RAPGEF5: variants seen among roughly 807,000 people sequenced by gnomAD.
RAPGEF5 encodes the protein M-Ras-regulated GEF.
RAPGEF5 carries 65 observed loss-of-function variants against 125.2 expected under a neutral mutation model. The ratio of observed to expected loss-of-function variants is 0.52; its 90% CI spans 0.43 to 0.64. The LOEUF is 0.64. Among genes scored for constraint, RAPGEF5 ranks in the 30% least tolerant of loss-of-function variants. The probability of loss-of-function intolerance (pLI) is 0.00; values close to 1 mark genes in which losing one functional copy is unlikely to be tolerated. For synonymous variants in RAPGEF5, 391 were observed against 385.9 expected (o/e 1.01, Z -0.16); for missense variants, 958 against 1,048.1 (o/e 0.91, Z 1.19).
Position 22,183,268 on chromosome 7 carries a change from C to CAAA in RAPGEF5, c.1204+10096_1204+10098dup, listed in dbSNP as rs757079018. Reference sequence around the variant, plus strand: ...TGGGTAACAGAGTGAGACTCCATCACAAAAAAAAAAAAAAAAAAAAAAAAA... The same window carrying CAAA: ...TGGGTAACAGAGTGAGACTCCATCACAAAAAAAAAAAAAAAAAAAAAAAAAAAA... On this transcript the variant is annotated intron_variant, in intron 11 of 25. Transcript: ENST00000665637. Among the ~76,000 whole-genome samples the CAAA allele has an allele frequency of 2.7e-3, 84 of 30,924 alleles. 3 individuals carry two copies. Among genetic ancestry groups the CAAA allele is most frequent in the Non-Finnish European group, 4.2e-3 (53 of 12,734 alleles). The allele number at this position is 30,924 out of a possible 152,430, so 20.3% of individuals were successfully genotyped here.
rs750453902 is a variant in RAPGEF5 at position 22,122,495 on chromosome 7, C to G, written c.2563G>C (p.Glu855Gln). ...FGDLSPKEHQ[E>Q]LKSYVNHLYV... is the part of the protein sequence containing the mutation. ...AGGTGATTAACATAGGACTTTAACT[C>G]TTGATGCTCTTTTGGAGACAGGTCA... Residue 855 changes from glutamate to glutamine, a missense_variant, in exon 26 of 26, where the codon GAG becomes CAG. Physicochemically the swap from Glu to Gln is conservative, Grantham distance 29. Coordinates refer to ENST00000665637, the MANE Select transcript of RAPGEF5 (RefSeq NM_012294.5). The G allele has an allele frequency of 1.2e-6, 2 of 1,613,710 alleles. No homozygotes were observed. The highest frequency in any genetic ancestry group is 4.5e-5 in the East Asian group (2 of 44,864).
In RAPGEF5 at chr7:22,338,018, T is replaced by C. The variant is rs561544109; in HGVS notation, c.231+18812A>G. 5.3e-5 allele frequency among the ~76,000 whole-genome samples: 8 copies of C among 152,350 alleles called. 1 individual carries two copies. The South Asian group carries it at 1.5e-3, about 28-fold the overall frequency. On this transcript the variant is annotated intron_variant, in intron 1 of 25. Coordinates refer to ENST00000665637, the MANE Select transcript of RAPGEF5 (RefSeq NM_012294.5). ...TCATACTGCAGCAGCAAGTTTAATCTTTTGAGATCAAAGAACTGTCAGTAG... is the reference window on the plus strand; with the variant it reads ...TCATACTGCAGCAGCAAGTTTAATCCTTTGAGATCAAAGAACTGTCAGTAG...
chr7:22,254,657 G>A (rs1330520569), intron 7 of RAPGEF5, among the ~76,000 whole-genome samples: 1 of 150,806 alleles, frequency 6.6e-6, no homozygotes, highest in Non-Finnish European at 1.5e-5. Context: ...GTCTCATAGA[G>A]CAGTCCTCAA....
intron 5 of RAPGEF5, among the ~76,000 whole-genome samples, chr7:22,293,481 G>T (rs745412059): frequency 1.3e-5 from 2 of 151,748 alleles, no homozygotes; most frequent in Non-Finnish European, 2.9e-5. Flanking sequence ...TCTCATCTTC[G>T]CTTGAACAAA....
chr7:22,323,218 C>T (rs768527629), intron 1 of RAPGEF5, among the ~76,000 whole-genome samples: 1 of 152,196 alleles, frequency 6.6e-6, no homozygotes, highest in Non-Finnish European at 1.5e-5. Context: ...GCATCCATGG[C>T]ATTATACTTA....
chr7:22,307,509 G>T (rs895656784), intron 5 of RAPGEF5, among the ~76,000 whole-genome samples: 15 of 152,054 alleles, frequency 9.9e-5, no homozygotes, highest in African/African-American at 3.6e-4. Flanking sequence ...GGAGACAATT[G>T]GTGGAGACTT....
At chr7:22,268,724 A>G (rs1026914336) in intron 6 of RAPGEF5, among the ~76,000 whole-genome samples, 1 of 152,162 alleles carries the variant, frequency 6.6e-6, no homozygotes, top group East Asian at 1.9e-4. Context: ...TTTGCTCACA[A>G]CGGATCGAAA....
At chr7:22,290,084 C>T (rs2128147181) in intron 6 of RAPGEF5, among the ~76,000 whole-genome samples, 1 of 152,310 alleles carries the variant, frequency 6.6e-6, no homozygotes, top group Admixed American at 6.5e-5. Flanking sequence ...TACAAAATTA[C>T]TTTTCTAAGC....
intron 7 of RAPGEF5, among the ~76,000 whole-genome samples, chr7:22,263,501 G>A (rs768427995): frequency 7.2e-5 from 11 of 152,040 alleles, no homozygotes; most frequent in African/African-American, 1.2e-4. Context: ...AGACAGAGAC[G>A]GGTGGATCAC....
At chr7:22,299,604 A>C (rs971967138) in intron 5 of RAPGEF5, among the ~76,000 whole-genome samples, 1 of 152,068 alleles carries the variant, frequency 6.6e-6, no homozygotes, top group Non-Finnish European at 1.5e-5. Flanking sequence ...TGAATTTCCA[A>C]CTTTCCCTCT....
intron 7 of RAPGEF5, among the ~76,000 whole-genome samples, chr7:22,232,531 G>T (rs559747527): frequency 1.2e-4 from 18 of 152,174 alleles, no homozygotes; most frequent in South Asian, 4.2e-4. Flanking sequence ...TGTTGGCCAG[G>T]CTGGTCTCAA....
chr7:22,322,351 T>G (rs1200368452), intron 1 of RAPGEF5, among the ~76,000 whole-genome samples: 2 of 151,920 alleles, frequency 1.3e-5, no homozygotes, highest in Non-Finnish European at 2.9e-5. Flanking sequence ...TTCGCCCTAT[T>G]GCCCAAGCTG....
At chr7:22,348,715 G>C (rs1428817541) in intron 1 of RAPGEF5, among the ~76,000 whole-genome samples, 1 of 152,194 alleles carries the variant, frequency 6.6e-6, no homozygotes, top group Admixed American at 6.5e-5. Context: ...GTACATTGGT[G>C]GTTACCAGAG....
At chr7:22,214,348 G>A (rs1341031315) in intron 9 of RAPGEF5, among the ~76,000 whole-genome samples, 2 of 152,162 alleles carry the variant, frequency 1.3e-5, no homozygotes, top group African/African-American at 2.4e-5. Context: ...ATACAGACAG[G>A]ATCCCTAGGG....
intron 7 of RAPGEF5, among the ~76,000 whole-genome samples, chr7:22,252,587 T>G (rs1302590198): frequency 1.3e-5 from 2 of 152,220 alleles, no homozygotes; most frequent in Non-Finnish European, 2.9e-5. Flanking sequence ...ATTCTCAGGG[T>G]TAAAGGAATC....
At chr7:22,228,110 AT>A (rs539836653) in intron 8 of RAPGEF5, among the ~76,000 whole-genome samples, 2 of 152,194 alleles carry the variant, frequency 1.3e-5, no homozygotes, top group Non-Finnish European at 2.9e-5. Context: ...ACAGAGGCTG[AT>A]TTGTTGGGTG....
chr7:22,129,116 T>G (rs559480473), intron 24 of RAPGEF5, among the ~76,000 whole-genome samples: 239 of 152,156 alleles, frequency 1.6e-3, no homozygotes, highest in African/African-American at 5.3e-3. Flanking sequence ...GAACAAGCTT[T>G]CCACAGCTTG....
chr7:22,355,412 G>A (rs535864646), intron 1 of RAPGEF5, among the ~76,000 whole-genome samples: 4 of 152,128 alleles, frequency 2.6e-5, no homozygotes, highest in African/African-American at 4.8e-5. Flanking sequence ...AAAAGTAACC[G>A]TCAAGGATAA....
At chr7:22,237,331 C>A (rs1409058915) in intron 7 of RAPGEF5, among the ~76,000 whole-genome samples, 1 of 151,238 alleles carries the variant, frequency 6.6e-6, no homozygotes, top group African/African-American at 2.4e-5. Context: ...ACCCAATAGT[C>A]CCATAGATAG....
Sources: allele counts gnomAD v4.1 joint callset (sites outside exome capture counted in the v4.1 genomes callset), GRCh38; gene constraint gnomAD v4.1.1; transcripts MANE v1.5; gene names NCBI Gene and HGNC (gene_info 2026-07-23, HGNC 2026-07-21).